Variants in ALMS1 observed in about 807,000 individuals in gnomAD.
The protein encoded by ALMS1 is centrosome-associated protein ALMS1.
A neutral mutation model predicts 352.2 loss-of-function variants in ALMS1; 271 were observed. The ratio of observed to expected loss-of-function variants is 0.77; its 90% CI spans 0.70 to 0.85. The LOEUF (loss-of-function observed/expected upper bound fraction) is 0.85, where lower values mean the gene tolerates loss of function less well. Ranked by LOEUF, ALMS1 falls within the 40% of genes least tolerant of loss-of-function variation. The pLI is 0.00. For synonymous variants in ALMS1, 1,865 were observed against 1,761.2 expected (o/e 1.06, Z -1.48); for missense variants, 5,445 against 4,870.7 (o/e 1.12, Z -3.51).
intron 16 of ALMS1, among the ~76,000 whole-genome samples, chr2:73,594,951 G>T (rs532849135): frequency 6.6e-6 from 1 of 152,176 alleles, no homozygotes; most frequent in East Asian, 1.9e-4. Flanking sequence ...TAGTGAGAGC[G>T]TATTGACCAA....
intron 12 of ALMS1, among the ~76,000 whole-genome samples, chr2:73,545,181 G>GTTT (rs199515863): frequency 7.1e-6 from 1 of 139,888 alleles, no homozygotes; most frequent in African/African-American, 2.6e-5. Flanking sequence ...ATTTTTTGTG[G>GTTT]TTTTTTTTTT....
intron 12 of ALMS1, among the ~76,000 whole-genome samples, chr2:73,543,810 A>G (rs1158785909): frequency 1.3e-5 from 2 of 152,216 alleles, no homozygotes; most frequent in Non-Finnish European, 2.9e-5. Context: ...CAAAACCACA[A>G]TGAGATACCA....
intron 12 of ALMS1, among the ~76,000 whole-genome samples, chr2:73,543,599 A>G (rs540488003): frequency 6.6e-6 from 1 of 152,306 alleles, no homozygotes; most frequent in South Asian, 2.1e-4. Flanking sequence ...ATGGGAGAAA[A>G]ATTTTGCTAT....
intron 10 of ALMS1, among the ~76,000 whole-genome samples, chr2:73,504,160 C>G (rs181843054): frequency 3.3e-4 from 50 of 152,210 alleles, no homozygotes; most frequent in African/African-American, 1.1e-3. Flanking sequence ...TTGATAATGT[C>G]CTTACATAAC....
intron 12 of ALMS1, among the ~76,000 whole-genome samples, chr2:73,549,674 A>G (rs1265332964): frequency 1.3e-5 from 2 of 152,100 alleles, no homozygotes; most frequent in Non-Finnish European, 2.9e-5. Flanking sequence ...CTCCAAAACC[A>G]TCATGAGCTG....
intron 7 of ALMS1, among the ~76,000 whole-genome samples, chr2:73,445,629 G>A (rs1194753081): frequency 2.2e-5 from 2 of 91,904 alleles, no homozygotes; most frequent in Non-Finnish European, 4.4e-5. Context: ...AAATAAAACC[G>A]TGCTGTCTTC....
At position 73,419,317 on chromosome 2, in the gene ALMS1, A is replaced by G. The variant is rs1671242193; in HGVS notation, c.645A>G (p.Leu215=). The G allele has an allele frequency of 1.2e-6, 2 of 1,613,466 alleles. No individual in the cohort carries two copies. Among genetic ancestry groups the G allele is most frequent in the Non-Finnish European group, 1.7e-6 (2 of 1,179,398 alleles). Residue 215 remains leucine (L), a splice_region_variant and synonymous_variant, in exon 3 of 23, where the codon CTA becomes CTG. Transcript: ENST00000613296. ...GAGATCTCTTCTGTTCTCCACTGCT[A>G]GGTAATGCCTGTTTATTTTAACTAG... ...PNRDLFCSPL[L]VIQDSFASPD...
chr2:73,437,720 G>C (rs1265036710), intron 7 of ALMS1, among the ~76,000 whole-genome samples: 1 of 152,114 alleles, frequency 6.6e-6, no homozygotes, highest in Non-Finnish European at 1.5e-5. Flanking sequence ...TGACATTAAA[G>C]ATTTAATATT....
At chr2:73,466,838 A>ATAT (rs930437289) in intron 9 of ALMS1, among the ~76,000 whole-genome samples, 34 of 152,236 alleles carry the variant, frequency 2.2e-4, no homozygotes, top group African/African-American at 7.2e-4. Flanking sequence ...TAAACTTAAA[A>ATAT]TATATGACAA....
intron 16 of ALMS1, among the ~76,000 whole-genome samples, chr2:73,598,543 T>G (rs1675601694): frequency 1.3e-5 from 2 of 152,216 alleles, no homozygotes; most frequent in African/African-American, 4.8e-5. Flanking sequence ...GAATATGGTT[T>G]ATCTAGTTCA....
intron 2 of ALMS1, among the ~76,000 whole-genome samples, chr2:73,410,717 C>G (rs1000822182): frequency 3.3e-5 from 5 of 152,078 alleles, no homozygotes; most frequent in African/African-American, 1.2e-4. Context: ...AACCACTTTT[C>G]TAGAACATAG....
chr2:73,440,316 G>A (rs1671691911), intron 7 of ALMS1, among the ~76,000 whole-genome samples: 1 of 152,114 alleles, frequency 6.6e-6, no homozygotes, highest in African/African-American at 2.4e-5. Context: ...TTCCTGTTTG[G>A]AGCTGACTTA....
At chr2:73,406,919 C>A (rs970962360) in intron 1 of ALMS1, among the ~76,000 whole-genome samples, 2 of 152,220 alleles carry the variant, frequency 1.3e-5, no homozygotes, top group African/African-American at 4.8e-5. Context: ...GCCACCGCAC[C>A]TGGCCAAAGT....
intron 11 of ALMS1, among the ~76,000 whole-genome samples, chr2:73,527,524 T>G (rs1673817757): frequency 6.6e-6 from 1 of 152,058 alleles, no homozygotes; most frequent in African/African-American, 2.4e-5. Flanking sequence ...TTGTCCATTT[T>G]TTTCTAGCTT....
intron 1 of ALMS1, among the ~76,000 whole-genome samples, chr2:73,401,194 C>T (rs933689025): frequency 3.3e-5 from 5 of 151,396 alleles, no homozygotes; most frequent in African/African-American, 1.2e-4. Flanking sequence ...TAAGCTTTTA[C>T]TGATTTTCTC....
intron 7 of ALMS1, among the ~76,000 whole-genome samples, chr2:73,444,868 C>T (rs749135892): frequency 5.9e-5 from 9 of 151,950 alleles, no homozygotes; most frequent in African/African-American, 9.7e-5. Flanking sequence ...TATGAGTTAA[C>T]TGAGGGATTA....
intron 9 of ALMS1, among the ~76,000 whole-genome samples, chr2:73,459,671 C>T (rs766994690): frequency 6.6e-6 from 1 of 152,116 alleles, no homozygotes; most frequent in African/African-American, 2.4e-5. Context: ...CCATTTTAAG[C>T]TGGTTCCTGT....
intron 15 of ALMS1, among the ~76,000 whole-genome samples, chr2:73,569,018 TTTTTTTTTTTTTTTG>T (rs1377563647): frequency 1.3e-4 from 15 of 117,788 alleles, no homozygotes; most frequent in South Asian, 3.6e-4. Context: ...TTTTTTTTTT[TTTTTTTTTTTTTTTG>T]AGATGAAGTC....
intron 9 of ALMS1, among the ~76,000 whole-genome samples, chr2:73,460,283 A>C (rs1672161348): frequency 6.6e-6 from 1 of 152,146 alleles, no homozygotes; most frequent in African/African-American, 2.4e-5. Context: ...TTCCATTATG[A>C]TTTCTTTCAA....
Sources: allele counts gnomAD v4.1 joint callset (sites outside exome capture counted in the v4.1 genomes callset), GRCh38; gene constraint gnomAD v4.1.1; transcripts MANE v1.5; gene names NCBI Gene and HGNC (gene_info 2026-07-23, HGNC 2026-07-21).